The following RNF19A variants were observed in gnomAD, a reference collection of about 807,000 sequenced individuals.
RNF19A encodes the protein ring finger protein 19A, RBR E3 ubiquitin protein ligase.
RNF19A carries 32 observed loss-of-function variants against 75.7 expected under a neutral mutation model. The observed-to-expected ratio is 0.42, with a 90% CI of 0.32 to 0.57. RNF19A has a LOEUF of 0.57. RNF19A is among the 20% of genes least tolerant of loss of function. The pLI is 0.10. For missense variants in RNF19A, 782 were observed against 1,036.3 expected (o/e 0.75, Z 3.37); for synonymous variants, 335 against 345.2 (o/e 0.97, Z 0.33).
chr8:100,290,636 A>G (rs1171892659), intron 1 of RNF19A, among the ~76,000 whole-genome samples: 1 of 152,232 alleles, frequency 6.6e-6, no homozygotes, highest in Admixed American at 6.5e-5. Flanking sequence ...GATAAGGAAC[A>G]GTCAGAGAGC....
intron 1 of RNF19A, among the ~76,000 whole-genome samples, chr8:100,303,762 A>T (rs1166755681): frequency 2.4e-4 from 20 of 82,784 alleles, no homozygotes; most frequent in South Asian, 2.3e-3. Context: ...CGCCGCTTGT[A>T]AAAAAAAAAA....
At chr8:100,328,661 G>T (rs529850390) in intron 1 of RNF19A, among the ~76,000 whole-genome samples, 1 of 151,908 alleles carries the variant, frequency 6.6e-6, no homozygotes, top group African/African-American at 2.4e-5. Context: ...CAGTAGAGAC[G>T]GGGTTTCACC....
chr8:100,306,826 G>A (rs1822080401), intron 1 of RNF19A, among the ~76,000 whole-genome samples: 1 of 151,810 alleles, frequency 6.6e-6, no homozygotes, highest in African/African-American at 2.4e-5. Flanking sequence ...GAACTGGCAT[G>A]GCTTAAAAAA....
At chr8:100,307,508 A>C (rs1822109797) in intron 1 of RNF19A, among the ~76,000 whole-genome samples, 1 of 151,984 alleles carries the variant, frequency 6.6e-6, no homozygotes, top group Non-Finnish European at 1.5e-5. Flanking sequence ...AAATTTCTAT[A>C]TAAATCTAAA....
chr8:100,280,399 G>A (rs1458730375), intron 2 of RNF19A, among the ~76,000 whole-genome samples: 3 of 152,098 alleles, frequency 2.0e-5, no homozygotes, highest in African/African-American at 7.2e-5. Flanking sequence ...CAGAGGACAG[G>A]TAGGGTTACG....
chr8:100,305,430 A>C (rs903243773), intron 1 of RNF19A, among the ~76,000 whole-genome samples: 2 of 152,238 alleles, frequency 1.3e-5, no homozygotes, highest in African/African-American at 4.8e-5. Context: ...AAACGCCCCT[A>C]GAGCTACGCT....
Position 100,257,785 on chromosome 8 carries a change from C to T in RNF19A, c.*771G>A, listed in dbSNP as rs1563827054. The T allele has an allele frequency of 1.1e-5, 4 of 374,050 alleles. No individual in the cohort carries two copies. The highest frequency in any genetic ancestry group is 8.3e-5 in the African/African-American group (4 of 48,208). 23.2% of individuals were successfully genotyped at this position (374,050 alleles called of 1,614,324 possible). A position where few individuals can be genotyped will look rare whatever the true frequency, so the allele number is the denominator to read the frequency against. ...AGAATCAATGGGGTACAAACTTCCC[C>T]TTAGAGAAAGGTGGATTTTTTGTAA... On this transcript the variant is annotated 3_prime_UTR_variant, in exon 10 of 10. Coordinates refer to ENST00000341084, the MANE Select transcript of RNF19A (RefSeq NM_183419.4).
rs1490587460 is a variant in RNF19A, at chr8:100,332,955, G to A, written c.-243+3153C>T. Among the ~76,000 whole-genome samples, 1 of 151,956 alleles carries A rather than the reference G, an allele frequency of 6.6e-6. No individual in the cohort carries two copies. The highest frequency in any genetic ancestry group is 1.9e-4 in the East Asian group (1 of 5,190). On this transcript the variant is annotated intron_variant, in intron 1 of 3. Coordinates refer to the RNF19A transcript ENST00000519527. This position sits in a 1 kb window ranked among gnomAD's most constrained non-coding sequence, Gnocchi z 4.8. The stretch of plus-strand genomic sequence containing the variant: ...GTTTAATCTTTCATTTTGTCTATGG[G>A]TTCTCTTTTTGCTTTGTCTTATTTA...
At chr8:100,290,520 T>A (rs1227070717) in intron 1 of RNF19A, among the ~76,000 whole-genome samples, 1 of 152,228 alleles carries the variant, frequency 6.6e-6, no homozygotes, top group East Asian at 1.9e-4. Flanking sequence ...TTTTTCCTCC[T>A]ATGGCTGACC....
At position 100,284,841 on chromosome 8, in the gene RNF19A, T is replaced by C. The variant is rs1381224858; in HGVS notation, c.674+2660A>G. On this transcript the variant is annotated intron_variant, in intron 2 of 9. Transcript: ENST00000341084. The surrounding 1 kb of genome is among the most constrained non-coding windows in gnomAD (Gnocchi z 4.3). The stretch of plus-strand genomic sequence containing the variant: ...ATCTACCACTGAAGTTAAGAAACAT[T>C]ATCAGCAGGATGATCATTAACTCAC... 6.6e-6 allele frequency among the ~76,000 whole-genome samples: 1 copy of C among 152,136 alleles called. No individual in the cohort carries two copies. Among genetic ancestry groups the C allele is most frequent in the African/African-American group, 2.4e-5 (1 of 41,454 alleles).
chr8:100,308,742 G>C (rs1235371253), intron 1 of RNF19A, among the ~76,000 whole-genome samples: 2 of 151,976 alleles, frequency 1.3e-5, no homozygotes, highest in Non-Finnish European at 2.9e-5. Context: ...ACCGATCAAA[G>C]GAAAGGGCTG....
Position 100,260,846 on chromosome 8 carries a change from C to T in RNF19A, c.1682+696G>A, listed in dbSNP as rs1187324779. The stretch of plus-strand genomic sequence containing the variant: ...GCATTAATACATAAAAGGACCCTAG[C>T]CGATTATCCCGGTCCCAGTTCACAC... On this transcript the variant is annotated intron_variant, in intron 8 of 9. Coordinates refer to ENST00000341084, the MANE Select transcript of RNF19A (RefSeq NM_183419.4). This position sits in a 1 kb window ranked among gnomAD's most constrained non-coding sequence, Gnocchi z 4.1. Among the ~76,000 whole-genome samples, 1 of 152,162 alleles carries T rather than the reference C, an allele frequency of 6.6e-6. No homozygotes were observed. Among genetic ancestry groups the T allele is most frequent in the Non-Finnish European group, 1.5e-5 (1 of 68,034 alleles).
chr8:100,302,243 C>G (rs1821869347), intron 1 of RNF19A, among the ~76,000 whole-genome samples: 1 of 152,182 alleles, frequency 6.6e-6, no homozygotes, highest in Admixed American at 6.5e-5. Context: ...GATGGTAGCA[C>G]AGAGAACAGT....
At chr8:100,309,525 A>G (rs1426890693) in intron 1 of RNF19A, 1 of 985,286 alleles carries the variant, frequency 1.0e-6, no homozygotes, top group Non-Finnish European at 1.2e-6. Flanking sequence ...TCGGCCCGTC[A>G]TAATATCGCC....
chr8:100,324,905 C>CTCTT lies in RNF19A; in HGVS notation c.-243+11199_-243+11202dup, dbSNP rs1187089860. Among the ~76,000 whole-genome samples, 3 of 147,314 alleles carry CTCTT rather than the reference C, an allele frequency of 2.0e-5. No homozygotes were observed. The highest frequency in any genetic ancestry group is 7.5e-5 in the African/African-American group (3 of 39,878). On this transcript the variant is annotated intron_variant, in intron 1 of 3. Coordinates refer to the RNF19A transcript ENST00000519527. This position sits in a 1 kb window ranked among gnomAD's most constrained non-coding sequence, Gnocchi z 4.2. ...TCTTTCTTTCTCTCTCTCTCTTTCT[C>CTCTT]TCTTTCTTTCTTTCTTTTCTTGATA...
intron 1 of RNF19A, among the ~76,000 whole-genome samples, chr8:100,335,946 A>G (rs148711457): frequency 1.9e-4 from 29 of 152,318 alleles, no homozygotes; most frequent in African/African-American, 6.5e-4. Flanking sequence ...TTTCTATACT[A>G]TGAACCAACG....
In RNF19A at chr8:100,287,452, C is replaced by T; in HGVS notation, c.674+49G>A. 6.6e-7 allele frequency: 1 copy of T among 1,524,426 alleles called. No homozygotes were observed. The highest frequency in any genetic ancestry group is 1.3e-5 in the South Asian group (1 of 76,202). The allele number at this position is 1,524,426 out of a possible 1,614,324, so 94.4% of individuals were successfully genotyped here. ...TTTGAGTAATAGCAAATTATTTTATCCACAGAGAAAAAAATTAACTCAAGA... is the reference window on the plus strand; with the variant it reads ...TTTGAGTAATAGCAAATTATTTTATTCACAGAGAAAAAAATTAACTCAAGA... On this transcript the variant is annotated intron_variant, in intron 2 of 9. Transcript: ENST00000341084. This position sits in a 1 kb window ranked among gnomAD's most constrained non-coding sequence, Gnocchi z 4.1.
chr8:100,260,326 T>A lies in RNF19A; in HGVS notation c.1683-329A>T, dbSNP rs1474862116. On this transcript the variant is annotated intron_variant, in intron 8 of 9. Coordinates refer to ENST00000341084, the MANE Select transcript of RNF19A (RefSeq NM_183419.4). This position sits in a 1 kb window ranked among gnomAD's most constrained non-coding sequence, Gnocchi z 4.1. Reference sequence around the variant, plus strand: ...AATGTTTCAATGCAAAACACAAAGTTAGAATACATTATTAATCATTAAACA... The same window carrying A: ...AATGTTTCAATGCAAAACACAAAGTAAGAATACATTATTAATCATTAAACA... Among the ~76,000 whole-genome samples the A allele has an allele frequency of 1.3e-5, 2 of 152,228 alleles. No homozygotes were observed. Among genetic ancestry groups the A allele is most frequent in the Non-Finnish European group, 2.9e-5 (2 of 68,044 alleles).
intron 2 of RNF19A, among the ~76,000 whole-genome samples, chr8:100,279,485 C>T (rs754957173): frequency 1.3e-4 from 20 of 152,056 alleles, no homozygotes; most frequent in African/African-American, 1.9e-4. Context: ...GTGATTCTCA[C>T]GCCTCAGCCT....
Sources: allele counts gnomAD v4.1 joint callset (sites outside exome capture counted in the v4.1 genomes callset), GRCh38; gene constraint gnomAD v4.1.1; non-coding constraint Gnocchi (gnomAD v3.1); transcripts MANE v1.5; gene names NCBI Gene and HGNC (gene_info 2026-07-23, HGNC 2026-07-21).